The following TEX9 variants were observed in gnomAD, a reference collection of about 807,000 sequenced individuals.
The protein encoded by TEX9 is testis-expressed protein 9.
A neutral mutation model predicts 59.6 loss-of-function variants in TEX9; 74 were observed. The observed-to-expected ratio is 1.24, with a 90% CI of 1.03 to 1.51. The LOEUF (loss-of-function observed/expected upper bound fraction) is 1.51, where lower values mean the gene tolerates loss of function less well. Among genes scored for constraint, TEX9 ranks in the 40% most tolerant of loss-of-function variants. The pLI is 0.00. For missense variants in TEX9, 522 were observed against 447.8 expected (o/e 1.17, Z -1.49); for synonymous variants, 186 against 152.2 (o/e 1.22, Z -1.64).
chr15:56,269,328 C>T (rs1196305430), intron 1 of TEX9, among the ~76,000 whole-genome samples: 5 of 151,978 alleles, frequency 3.3e-5, no homozygotes, highest in Non-Finnish European at 7.4e-5. Context: ...TCCTTCAGTT[C>T]TGCTCTGATC....
intron 1 of TEX9, among the ~76,000 whole-genome samples, chr15:56,355,503 A>G (rs2046667328): frequency 6.6e-6 from 1 of 152,138 alleles, no homozygotes; most frequent in African/African-American, 2.4e-5. Flanking sequence ...TCAGCACTAA[A>G]CCATCTTAAT....
intron 1 of TEX9, among the ~76,000 whole-genome samples, chr15:56,269,214 T>C (rs184800668): frequency 3.4e-4 from 52 of 152,310 alleles, no homozygotes; most frequent in African/African-American, 1.3e-3. Flanking sequence ...TCTTCTCTCT[T>C]TTCTTCTTTA....
At chr15:56,363,251 ACACGTTATTGTC>A (rs1227590246), upstream of TEX9, among the ~76,000 whole-genome samples, 6 of 149,452 alleles carry the variant, frequency 4.0e-5, no homozygotes, top group East Asian at 1.2e-3. Context: ...ATCCTCCTCT[ACACGTTATTGTC>A]CATCCTTTTT....
At chr15:56,355,717 G>A (rs1279712839) in intron 1 of TEX9, among the ~76,000 whole-genome samples, 2 of 152,066 alleles carry the variant, frequency 1.3e-5, no homozygotes, top group African/African-American at 4.8e-5. Context: ...CATGAACACA[G>A]TGTATCTTTC....
chr15:56,452,418 G>T, the TEX9 span, among the ~76,000 whole-genome samples: 4 of 152,072 alleles, frequency 2.6e-5, no homozygotes, highest in Admixed American at 2.6e-4. Flanking sequence ...TCTTATTGGG[G>T]GTGGTAACTT....
chr15:56,315,421 G>T lies in TEX9; in HGVS notation c.-106-58020G>T, dbSNP rs1456562165. 3.4e-5 allele frequency among the ~76,000 whole-genome samples: 5 copies of T among 149,062 alleles called. 1 individual carries two copies. The highest frequency in any genetic ancestry group is 2.4e-5 in the African/African-American group (1 of 40,978). On this transcript the variant is annotated intron_variant, in intron 1 of 5. Transcript: ENST00000560827. The stretch of plus-strand genomic sequence containing the variant: ...TCCTTCACTTATGAAGCTTGGTTTG[G>T]CTGGATATGAAATTCTGGGTTGAAA...
chr15:56,252,564 T>G (rs2044049816), intron 1 of TEX9, among the ~76,000 whole-genome samples: 1 of 152,152 alleles, frequency 6.6e-6, no homozygotes, highest in Non-Finnish European at 1.5e-5. Flanking sequence ...GCCAACTGTG[T>G]CTGTTCAGCC....
the TEX9 span, among the ~76,000 whole-genome samples, chr15:56,453,656 C>T: frequency 6.6e-6 from 1 of 152,072 alleles, no homozygotes. Flanking sequence ...TTAATTATAA[C>T]TACTAATTGT....
At chr15:56,414,153 A>G (rs753196913) in intron 10 of TEX9, among the ~76,000 whole-genome samples, 1 of 151,876 alleles carries the variant, frequency 6.6e-6, no homozygotes, top group African/African-American at 2.4e-5. Flanking sequence ...TTTGACCTCT[A>G]TATTGTATTA....
At chr15:56,302,003 AAAATAG>A (rs1455248069) in intron 1 of TEX9, among the ~76,000 whole-genome samples, 3 of 152,248 alleles carry the variant, frequency 2.0e-5, no homozygotes, top group Non-Finnish European at 4.4e-5. Flanking sequence ...ATAGTATAAT[AAAATAG>A]AAATAGAAAC....
At chr15:56,367,691 A>T (rs2047008874) in intron 2 of TEX9, among the ~76,000 whole-genome samples, 1 of 152,212 alleles carries the variant, frequency 6.6e-6, no homozygotes, top group African/African-American at 2.4e-5. Context: ...CACGAATATG[A>T]TACTTCTCCA....
intron 1 of TEX9, among the ~76,000 whole-genome samples, chr15:56,321,252 G>A (rs1434727572): frequency 6.6e-6 from 1 of 152,038 alleles, no homozygotes; most frequent in African/African-American, 2.4e-5. Flanking sequence ...CTTGTCCCAG[G>A]GCATACTCAA....
chr15:56,390,929 A>G (rs760711699), intron 6 of TEX9, among the ~76,000 whole-genome samples: 3 of 152,056 alleles, frequency 2.0e-5, no homozygotes, highest in South Asian at 2.1e-4. Context: ...AGCAAAGTCT[A>G]TACCATCTGG....
chr15:56,304,834 C>T (rs921276045), intron 1 of TEX9, among the ~76,000 whole-genome samples: 7 of 152,074 alleles, frequency 4.6e-5, no homozygotes, highest in East Asian at 1.9e-4. Context: ...GCCATCCTCC[C>T]GCCTCAGCCT....
intron 1 of TEX9, among the ~76,000 whole-genome samples, chr15:56,319,005 T>G (rs1039797438): frequency 3.3e-5 from 5 of 152,152 alleles, no homozygotes; most frequent in African/African-American, 9.7e-5. Flanking sequence ...CTTCAATGTC[T>G]CTGTTTGCCT....
At chr15:56,365,750 T>A in intron 2 of TEX9, 80 bp downstream of exon 2, 1 of 1,573,438 alleles carries the variant, frequency 6.4e-7, no homozygotes, top group African/African-American at 1.4e-5. Context: ...TTCTGGAGAC[T>A]GGCTGGATCT....
chr15:56,382,839 G>A (rs1387680118), intron 3 of TEX9, among the ~76,000 whole-genome samples: 1 of 152,170 alleles, frequency 6.6e-6, no homozygotes, highest in Non-Finnish European at 1.5e-5. Flanking sequence ...TGGTGTTGGG[G>A]AAGGCATGGC....
At chr15:56,459,695 A>G in the TEX9 span, among the ~76,000 whole-genome samples, 1 of 152,010 alleles carries the variant, frequency 6.6e-6, no homozygotes, top group African/African-American at 2.4e-5. Flanking sequence ...GAGAAGAAAC[A>G]ATGACTGGCT....
At chr15:56,414,394 C>T (rs1483753821) in intron 10 of TEX9, among the ~76,000 whole-genome samples, 1 of 151,556 alleles carries the variant, frequency 6.6e-6, no homozygotes, top group African/African-American at 2.4e-5. Flanking sequence ...TCCCTTTTTC[C>T]ACCTTCCCCA....
Sources: gnomAD v4.1 joint callset for allele counts (sites outside exome capture counted in the v4.1 genomes callset) on GRCh38, gnomAD v4.1.1 for gene constraint, MANE v1.5 for transcripts, NCBI Gene and HGNC (gene_info 2026-07-23, HGNC 2026-07-21) for gene names.